The following DRC11 variants were observed in gnomAD, a reference collection of about 807,000 sequenced individuals.
DRC11 encodes IQ and AAA domain-containing protein 1.
At chr2:236,341,411 A>G in the DRC11 span, among the ~76,000 whole-genome samples, 27 of 152,304 alleles carry the variant, frequency 1.8e-4, no homozygotes, top group African/African-American at 5.8e-4. Flanking sequence ...TGCAGGGGGC[A>G]GGGGTGTGTT....
the DRC11 span, among the ~76,000 whole-genome samples, chr2:236,323,243 C>T: frequency 1.2e-4 from 19 of 152,298 alleles, no homozygotes; most frequent in African/African-American, 4.6e-4. The surrounding 1 kb of genome is among the most constrained non-coding windows in gnomAD (Gnocchi z 6.4). Context: ...TTGGCAGAAC[C>T]ATCTTGGAGA....
At chr2:236,358,845 GC>G in the DRC11 span, among the ~76,000 whole-genome samples, 3 of 148,020 alleles carry the variant, frequency 2.0e-5, no homozygotes, top group Admixed American at 6.6e-5. Context: ...CCGTCACGTG[GC>G]CCCCCAGCTG....
chr2:236,331,864 C>T, the DRC11 span: 21 of 440,492 alleles, frequency 4.8e-5, no homozygotes, highest in East Asian at 5.7e-4. This position sits in a 1 kb window ranked among gnomAD's most constrained non-coding sequence, Gnocchi z 4.8. Context: ...ACAAAACCAC[C>T]GTCAGTATAG....
chr2:236,497,297 T>G, the DRC11 span: 1 of 1,613,964 alleles, frequency 6.2e-7, no homozygotes, highest in Non-Finnish European at 8.5e-7. This position sits in a 1 kb window ranked among gnomAD's most constrained non-coding sequence, Gnocchi z 5.1. Flanking sequence ...AGTATTCGTT[T>G]CTGGGGGTGG....
the DRC11 span, among the ~76,000 whole-genome samples, chr2:236,387,181 G>A: frequency 2.1e-4 from 31 of 148,710 alleles, no homozygotes; most frequent in Middle Eastern, 3.4e-3. Flanking sequence ...TATTAGGTCC[G>A]CTTGGTGCAG....
chr2:236,430,399 A>G, the DRC11 span, among the ~76,000 whole-genome samples: 4 of 152,346 alleles, frequency 2.6e-5, no homozygotes, highest in East Asian at 7.7e-4. This position sits in a 1 kb window ranked among gnomAD's most constrained non-coding sequence, Gnocchi z 6.0. Context: ...ACAAATGCAC[A>G]TTATAAACAT....
the DRC11 span, among the ~76,000 whole-genome samples, chr2:236,364,503 C>T: frequency 1.3e-5 from 2 of 152,114 alleles, no homozygotes; most frequent in Non-Finnish European, 2.9e-5. Context: ...CTTCTTTCTC[C>T]TGCCCTGGTT....
the DRC11 span, chr2:236,493,978 A>C: frequency 9.1e-7 from 1 of 1,093,906 alleles, no homozygotes; most frequent in Non-Finnish European, 1.2e-6. Flanking sequence ...CGTGCACATC[A>C]AAGACGCTTG....
At chr2:236,442,673 C>A in the DRC11 span, among the ~76,000 whole-genome samples, 1 of 152,250 alleles carries the variant, frequency 6.6e-6, no homozygotes, top group African/African-American at 2.4e-5. Context: ...TGTGGGTGTT[C>A]CCACAGTTGA....
chr2:236,359,287 G>A, the DRC11 span, among the ~76,000 whole-genome samples: 12 of 151,932 alleles, frequency 7.9e-5, no homozygotes, highest in East Asian at 3.9e-4. The surrounding 1 kb of genome is among the most constrained non-coding windows in gnomAD (Gnocchi z 4.3). Context: ...AAAAGGAAAC[G>A]CTTCCCCTCA....
At chr2:236,481,502 A>G in the DRC11 span, among the ~76,000 whole-genome samples, 1 of 152,044 alleles carries the variant, frequency 6.6e-6, no homozygotes, top group Non-Finnish European at 1.5e-5. Context: ...AATCTGAGTT[A>G]TGGGACATTG....
At chr2:236,488,179 T>G in the DRC11 span, 9 of 1,589,588 alleles carry the variant, frequency 5.7e-6, no homozygotes, top group Non-Finnish European at 8.5e-7. Flanking sequence ...GGGATACTCT[T>G]TACAGGGTAT....
At chr2:236,446,440 A>G in the DRC11 span, among the ~76,000 whole-genome samples, 1 of 152,168 alleles carries the variant, frequency 6.6e-6, no homozygotes, top group Non-Finnish European at 1.5e-5. The surrounding 1 kb of genome is among the most constrained non-coding windows in gnomAD (Gnocchi z 6.2). Flanking sequence ...CAGGACCCCA[A>G]ATTACAGGGC....
chr2:236,364,788 A>G, the DRC11 span, among the ~76,000 whole-genome samples: 1 of 152,204 alleles, frequency 6.6e-6, no homozygotes, highest in East Asian at 1.9e-4. Flanking sequence ...CTGTCACTTA[A>G]TGGGCTCTTT....
the DRC11 span, chr2:236,503,839 C>T: frequency 1.4e-6 from 1 of 732,956 alleles, no homozygotes; most frequent in Non-Finnish European, 2.3e-6. This position sits in a 1 kb window ranked among gnomAD's most constrained non-coding sequence, Gnocchi z 4.9. Flanking sequence ...CCCATCTGGC[C>T]TTGCGCCCCA....
the DRC11 span, among the ~76,000 whole-genome samples, chr2:236,358,691 C>T: frequency 4.3e-4 from 64 of 148,018 alleles, no homozygotes; most frequent in East Asian, 1.4e-3. Flanking sequence ...TCTCTTTTAA[C>T]TGCATCAAAG....
the DRC11 span, among the ~76,000 whole-genome samples, chr2:236,341,842 C>T: frequency 3.9e-5 from 6 of 152,186 alleles, no homozygotes; most frequent in African/African-American, 1.4e-4. Flanking sequence ...AGCCTTTGTT[C>T]TCTTTTGTGT....
the DRC11 span, among the ~76,000 whole-genome samples, chr2:236,498,450 C>T: frequency 4.1e-5 from 6 of 144,842 alleles, no homozygotes; most frequent in Admixed American, 2.1e-4. Context: ...GGCAACAGAG[C>T]GAGACTGTCT....
At chr2:236,345,070 G>GCA in the DRC11 span, among the ~76,000 whole-genome samples, 5 of 137,948 alleles carry the variant, frequency 3.6e-5, no homozygotes, top group Admixed American at 7.2e-5. Context: ...CTGTGAACGT[G>GCA]CTTCCCTCTG....
Sources: allele counts gnomAD v4.1 joint callset (sites outside exome capture counted in the v4.1 genomes callset), GRCh38; gene constraint gnomAD v4.1.1; non-coding constraint Gnocchi (gnomAD v3.1); transcripts MANE v1.5; gene names NCBI Gene and HGNC (gene_info 2026-07-23, HGNC 2026-07-21).